OPN3: variants seen among roughly 807,000 people sequenced by gnomAD.
OPN3 encodes opsin-3.
In OPN3, 29 loss-of-function variants were observed where a neutral mutation model predicts 33.8. The observed-to-expected ratio is 0.86, with a 90% CI of 0.64 to 1.17. The LOEUF (loss-of-function observed/expected upper bound fraction) is 1.17, where lower values mean the gene tolerates loss of function less well. Ranked by LOEUF, OPN3 falls within the 50% of genes most tolerant of loss-of-function variation. OPN3 has a pLI of 0.00. For missense variants in OPN3, 437 were observed against 514.1 expected (o/e 0.85, Z 1.45); for synonymous variants, 216 against 216.1 (o/e 1.00, Z 0.00).
intron 2 of OPN3, among the ~76,000 whole-genome samples, chr1:241,600,126 A>G (rs1244614209): frequency 6.6e-6 from 1 of 152,228 alleles, no homozygotes; most frequent in African/African-American, 2.4e-5. Context: ...GAGAACACTC[A>G]TTTATCCATC....
At chr1:241,639,825 C>A (rs1349255168) in intron 1 of OPN3, 57 bp downstream of exon 1, 2 of 1,333,270 alleles carry the variant, frequency 1.5e-6, no homozygotes, top group East Asian at 3.1e-5. Context: ...GAGCGGGCAG[C>A]GGGGTGGGGA....
In OPN3 at chr1:241,639,943, C is replaced by T. The variant is rs2148034652; in HGVS notation, c.312G>A (p.Arg104=). The T allele has an allele frequency of 8.7e-6, 14 of 1,608,618 alleles. 1 individual carries two copies. The Middle Eastern group carries it at 2.0e-3, about 228-fold the overall frequency. The change falls in exon 1 of 4, where the codon AGG becomes AGA. Residue 104 remains arginine (R), a synonymous_variant. Coordinates refer to ENST00000366554, the MANE Select transcript of OPN3 (RefSeq NM_014322.3). The part of the protein sequence containing the change: ...GVTFTFVSCL[R]NGWVWDTVGC... ...CCACGGTGTCCCACACCCAGCCGTTCCTCAGGCAGGACACGAAGGTAAAGG... is the reference window on the plus strand; with the variant it reads ...CCACGGTGTCCCACACCCAGCCGTTTCTCAGGCAGGACACGAAGGTAAAGG...
chr1:241,618,589 C>G (rs1476055660), intron 1 of OPN3, among the ~76,000 whole-genome samples: 1 of 152,222 alleles, frequency 6.6e-6, no homozygotes, highest in African/African-American at 2.4e-5. Flanking sequence ...CCAAGAGGTG[C>G]AGCGCAGAGG....
intron 2 of OPN3, among the ~76,000 whole-genome samples, chr1:241,603,975 G>A (rs1343378992): frequency 1.3e-5 from 2 of 152,202 alleles, no homozygotes; most frequent in Non-Finnish European, 2.9e-5. Flanking sequence ...AATTTTAAGA[G>A]TGTTGGATAA....
At chr1:241,624,625 G>A (rs1245750210) in intron 1 of OPN3, among the ~76,000 whole-genome samples, 1 of 152,172 alleles carries the variant, frequency 6.6e-6, no homozygotes, top group East Asian at 1.9e-4. Context: ...GAGTTACTGA[G>A]CCTTATTTCT....
intron 1 of OPN3, chr1:241,628,882 AT>A (rs971415635): frequency 2.6e-5 from 4 of 152,548 alleles, no homozygotes; most frequent in Admixed American, 1.3e-4. Context: ...TTAATCTTTT[AT>A]TTTTTATTGC....
chr1:241,593,916 ACG>A lies in OPN3; in HGVS notation c.*510_*511del, dbSNP rs1663411982. The A allele has an allele frequency of 1.3e-5, 2 of 154,712 alleles. No homozygotes were observed. The highest frequency in any genetic ancestry group is 6.3e-5 in the Admixed American group (1 of 15,776). 9.6% of individuals were successfully genotyped at this position (154,712 alleles called of 1,614,324 possible). A position where few individuals can be genotyped will look rare whatever the true frequency, so the allele number is the denominator to read the frequency against. On this transcript the variant is annotated 3_prime_UTR_variant, in exon 4 of 4. Transcript: ENST00000366554. ...CTCTTTGTCATACTGCACATATAAA[ACG>A]TCTTTTGTTTCCAACAAGAGGATTT...
Position 241,620,605 on chromosome 1 carries a change from T to C in OPN3, c.374-16026A>G, listed in dbSNP as rs116190132. ...CTCAGACTTCCAACCTCTGGAACTG[T>C]GAAATATAAATTTCTGTGTTTACAA... On this transcript the variant is annotated intron_variant, in intron 1 of 3. Transcript: ENST00000366554. Among the ~76,000 whole-genome samples, 260 of 152,342 alleles carry C rather than the reference T, an allele frequency of 1.7e-3. 1 individual carries two copies. The highest frequency in any genetic ancestry group is 5.7e-3 in the African/African-American group (236 of 41,584).
chr1:241,623,099 CAA>C (rs11448132), intron 1 of OPN3, among the ~76,000 whole-genome samples: 1 of 151,182 alleles, frequency 6.6e-6, no homozygotes, highest in African/African-American at 2.4e-5. Context: ...AAACAAAAAA[CAA>C]AAAAAACAAA....
chr1:241,610,962 C>CGT (rs1553354632), intron 1 of OPN3, among the ~76,000 whole-genome samples: 1 of 151,600 alleles, frequency 6.6e-6, no homozygotes, highest in Non-Finnish European at 1.5e-5. Context: ...TGAGAATATA[C>CGT]ATGTTTAGTA....
chr1:241,617,850 A>G (rs1664175545), intron 1 of OPN3, among the ~76,000 whole-genome samples: 2 of 152,344 alleles, frequency 1.3e-5, no homozygotes, highest in South Asian at 4.1e-4. Flanking sequence ...AAAATGCTTT[A>G]AGTTGTAAAC....
chr1:241,618,074 T>C (rs1341814949), intron 1 of OPN3, among the ~76,000 whole-genome samples: 1 of 151,278 alleles, frequency 6.6e-6, no homozygotes, highest in African/African-American at 2.4e-5. Flanking sequence ...TGAGATATTT[T>C]CCCCAAGACC....
At chr1:241,596,726 G>A (rs374778062) in intron 3 of OPN3, among the ~76,000 whole-genome samples, 3 of 152,138 alleles carry the variant, frequency 2.0e-5, no homozygotes, top group South Asian at 4.1e-4. Flanking sequence ...TCTCTGAAAC[G>A]TAGAGGCTCA....
chr1:241,634,460 A>G, intron 1 of OPN3: 1 of 1,613,770 alleles, frequency 6.2e-7, no homozygotes, highest in Non-Finnish European at 8.5e-7. Flanking sequence ...ACTGTCTTCC[A>G]CAATAAAATA....
intron 1 of OPN3, chr1:241,633,446 T>C (rs1664726193): frequency 4.8e-6 from 1 of 208,444 alleles, no homozygotes; most frequent in Non-Finnish European, 9.6e-6. Context: ...CTAATTGTTC[T>C]GTAGACAAAG....
At chr1:241,606,691 G>T (rs1663840720) in intron 1 of OPN3, among the ~76,000 whole-genome samples, 1 of 152,170 alleles carries the variant, frequency 6.6e-6, no homozygotes, top group Non-Finnish European at 1.5e-5. Flanking sequence ...ATGTGGGGAA[G>T]ACAATAAAAT....
chr1:241,612,854 C>A (rs1197128347), intron 1 of OPN3, among the ~76,000 whole-genome samples: 1 of 152,146 alleles, frequency 6.6e-6, no homozygotes, highest in East Asian at 1.9e-4. Context: ...CAATCAATGA[C>A]CCCAATTCCC....
intron 1 of OPN3, chr1:241,633,760 A>G (rs760579475): frequency 1.2e-5 from 20 of 1,605,848 alleles, no homozygotes; most frequent in Middle Eastern, 1.7e-4. Flanking sequence ...GATGCCATGA[A>G]GGAGGTCCAA....
rs1341924198 is a variant in OPN3, at chr1:241,634,628, T to A, written c.373+5254A>T. 7.4e-6 allele frequency: 12 copies of A among 1,613,540 alleles called. No individual in the cohort carries two copies. In the Admixed American group the frequency reaches 1.7e-4, roughly 22 times the overall value. On this transcript the variant is annotated intron_variant, in intron 1 of 3. Coordinates refer to ENST00000366554, the MANE Select transcript of OPN3 (RefSeq NM_014322.3). The stretch of plus-strand genomic sequence containing the variant: ...ACCCTGGGGAATTTCTCCTTGGCCA[T>A]ACAAGGGAAATAAAAAGGGGGTGTT...
Sources: allele counts gnomAD v4.1 joint callset (sites outside exome capture counted in the v4.1 genomes callset), GRCh38; gene constraint gnomAD v4.1.1; transcripts MANE v1.5; gene names NCBI Gene and HGNC (gene_info 2026-07-23, HGNC 2026-07-21).